The following MIR2052HG variants were observed in gnomAD, a reference collection of about 807,000 sequenced individuals.
MIR2052HG encodes MIR2052 host gene.
chr8:74,750,893 C>T (rs1311371966), intron 4 of MIR2052HG, among the ~76,000 whole-genome samples: 1 of 152,118 alleles, frequency 6.6e-6, no homozygotes, highest in East Asian at 1.9e-4. Context: ...TTATCTAGCA[C>T]TATATTTACT....
At chr8:74,737,107 G>A (rs962043559) in intron 4 of MIR2052HG, among the ~76,000 whole-genome samples, 1 of 152,200 alleles carries the variant, frequency 6.6e-6, no homozygotes, top group African/African-American at 2.4e-5. Context: ...CTAATTGCGG[G>A]TGGAATCTTC....
At chr8:74,612,219 A>G (rs1248056857) in intron 1 of MIR2052HG, among the ~76,000 whole-genome samples, 1 of 152,212 alleles carries the variant, frequency 6.6e-6, no homozygotes, top group Admixed American at 6.5e-5. Flanking sequence ...CATTCCCAGC[A>G]CATTCTACAG....
intron 2 of MIR2052HG, among the ~76,000 whole-genome samples, chr8:74,656,453 A>T (rs1808807432): frequency 2.0e-5 from 3 of 152,128 alleles, no homozygotes; most frequent in Non-Finnish European, 2.9e-5. Context: ...TATTCTTGTG[A>T]TAGTGAATAA....
chr8:74,634,165 A>G (rs1360047685), intron 2 of MIR2052HG, among the ~76,000 whole-genome samples: 2 of 152,188 alleles, frequency 1.3e-5, no homozygotes, highest in African/African-American at 2.4e-5. Flanking sequence ...TAGGGAGGGC[A>G]TGCTATTGGA....
chr8:74,752,458 C>T, exon 5 of MIR2052HG: 1 of 443,362 alleles, frequency 2.3e-6, no homozygotes, highest in Non-Finnish European at 4.5e-6. Flanking sequence ...TTCAGTCCAG[C>T]CACCAGATCA....
chr8:74,746,055 G>A lies in MIR2052HG; in HGVS notation n.372-6386G>A, dbSNP rs558163331. Among the ~76,000 whole-genome samples the A allele has an allele frequency of 1.0e-3, 154 of 152,272 alleles. 1 individual carries two copies. Among genetic ancestry groups the A allele is most frequent in the Non-Finnish European group, 1.6e-3 (108 of 68,022 alleles). ...GGCTCCAAATCCATGTGAACACCAT[G>A]TGATGATGTCTTGAGGATGTTGTAA... On this transcript the variant is annotated intron_variant and non_coding_transcript_variant, in intron 4 of 6. Coordinates refer to ENST00000523442, the Ensembl canonical transcript of MIR2052HG.
chr8:74,718,546 T>C (rs1463920468), intron 4 of MIR2052HG, among the ~76,000 whole-genome samples: 1 of 152,188 alleles, frequency 6.6e-6, no homozygotes, highest in Non-Finnish European at 1.5e-5. Context: ...AGAAGTTGCA[T>C]GTATCAGCCG....
chr8:74,600,102 C>T lies in MIR2052HG; in HGVS notation n.128+194C>T, dbSNP rs569366366. Reference sequence around the variant, plus strand: ...TGCTTCGGCTGGTGCACGGTGTGCACAGCCACTGACCTTCGCCCACTGTCT... The same window carrying T: ...TGCTTCGGCTGGTGCACGGTGTGCATAGCCACTGACCTTCGCCCACTGTCT... On this transcript the variant is annotated intron_variant and non_coding_transcript_variant, in intron 1 of 6. Coordinates refer to ENST00000523442, the Ensembl canonical transcript of MIR2052HG. 3.9e-4 allele frequency among the ~76,000 whole-genome samples: 60 copies of T among 152,228 alleles called. 1 individual carries two copies. The highest frequency in any genetic ancestry group is 3.3e-3 in the Admixed American group (50 of 15,308).
intron 4 of MIR2052HG, among the ~76,000 whole-genome samples, chr8:74,711,824 TAAC>T (rs1809470814): frequency 6.6e-6 from 1 of 152,222 alleles, no homozygotes; most frequent in Admixed American, 6.5e-5. Context: ...GGGAAAATTA[TAAC>T]CGCAGATGTA....
intron 2 of MIR2052HG, among the ~76,000 whole-genome samples, chr8:74,615,582 G>C (rs2128731909): frequency 6.6e-6 from 1 of 151,704 alleles, no homozygotes; most frequent in Non-Finnish European, 1.5e-5. Context: ...CAGTGTGACT[G>C]GCAACTCCAT....
At chr8:74,746,631 T>C (rs1809890557) in intron 4 of MIR2052HG, among the ~76,000 whole-genome samples, 1 of 134,892 alleles carries the variant, frequency 7.4e-6, no homozygotes, top group South Asian at 2.4e-4. Flanking sequence ...AGAGAGAATA[T>C]TTACATTTGG....
At chr8:74,611,414 T>G (rs1434310312) in intron 1 of MIR2052HG, among the ~76,000 whole-genome samples, 1 of 152,126 alleles carries the variant, frequency 6.6e-6, no homozygotes, top group Non-Finnish European at 1.5e-5. Flanking sequence ...TTGGCGATTT[T>G]TAAAAAAATT....
At chr8:74,727,954 G>A (rs1003321586) in intron 4 of MIR2052HG, among the ~76,000 whole-genome samples, 3 of 150,734 alleles carry the variant, frequency 2.0e-5, no homozygotes, top group African/African-American at 7.5e-5. Context: ...CTTTCTCACA[G>A]TCATGCCTAT....
intron 2 of MIR2052HG, among the ~76,000 whole-genome samples, chr8:74,638,346 A>G (rs1389169490): frequency 2.0e-5 from 3 of 152,172 alleles, no homozygotes; most frequent in Non-Finnish European, 4.4e-5. Context: ...CTGTGTAATC[A>G]ACATAAACAT....
chr8:74,701,518 G>A (rs1809357789), intron 2 of MIR2052HG, among the ~76,000 whole-genome samples: 1 of 151,990 alleles, frequency 6.6e-6, no homozygotes, highest in Non-Finnish European at 1.5e-5. Flanking sequence ...GCTCCATAGA[G>A]GGTGTTTAGT....
Position 74,696,275 on chromosome 8 carries a change from C to T in MIR2052HG, n.217-6104C>T, listed in dbSNP as rs576211705. Among the ~76,000 whole-genome samples, 25 of 152,000 alleles carry T rather than the reference C, an allele frequency of 1.6e-4. No homozygotes were observed. The South Asian group carries it at 4.2e-3, about 25-fold the overall frequency. Reference sequence around the variant, plus strand: ...AAATTAAAAAATTATTTGAACTGAACGATAATAGTGACACAACCTCTCAAA... The same window carrying T: ...AAATTAAAAAATTATTTGAACTGAATGATAATAGTGACACAACCTCTCAAA... On this transcript the variant is annotated intron_variant and non_coding_transcript_variant, in intron 2 of 6. Coordinates refer to ENST00000523442, the Ensembl canonical transcript of MIR2052HG.
At chr8:74,702,866 A>G (rs1234630103) in intron 3 of MIR2052HG, among the ~76,000 whole-genome samples, 3 of 152,236 alleles carry the variant, frequency 2.0e-5, no homozygotes, top group East Asian at 3.9e-4. Context: ...GTAATGAGCA[A>G]TAGAATTGAT....
intron 2 of MIR2052HG, among the ~76,000 whole-genome samples, chr8:74,686,481 C>G (rs1386001360): frequency 6.6e-6 from 1 of 152,016 alleles, no homozygotes; most frequent in East Asian, 1.9e-4. Flanking sequence ...TGAGTGCCAG[C>G]TATATGCCAG....
intron 2 of MIR2052HG, among the ~76,000 whole-genome samples, chr8:74,674,492 G>T (rs748264455): frequency 3.9e-5 from 6 of 151,904 alleles, no homozygotes; most frequent in Non-Finnish European, 8.8e-5. Context: ...AATATTGAAA[G>T]ACGTACATTT....
Sources: allele counts gnomAD v4.1 joint callset (sites outside exome capture counted in the v4.1 genomes callset), GRCh38; gene constraint gnomAD v4.1.1; transcripts MANE v1.5; gene names NCBI Gene and HGNC (gene_info 2026-07-23, HGNC 2026-07-21).